The following EBPL variants were observed in gnomAD, a reference collection of about 807,000 sequenced individuals.
The protein encoded by EBPL is emopamil-binding protein-like.
A neutral mutation model predicts 19.0 loss-of-function variants in EBPL; 20 were observed. The observed-to-expected ratio is 1.05, with a 90% CI of 0.74 to 1.53. EBPL has a LOEUF of 1.53. Ranked by LOEUF, EBPL falls within the 40% of genes most tolerant of loss-of-function variation. EBPL has a pLI of 0.00. For synonymous variants in EBPL, 107 were observed against 117.0 expected (o/e 0.91, Z 0.55); for missense variants, 219 against 261.1 (o/e 0.84, Z 1.11).
At chr13:49,661,724 T>C (rs1466904561) in intron 3 of EBPL, 3 of 1,452,286 alleles carry the variant, frequency 2.1e-6, no homozygotes, top group Non-Finnish European at 1.8e-6. Context: ...ACCAGCGTCA[T>C]GGAGTGAAAA....
intron 1 of EBPL, among the ~76,000 whole-genome samples, chr13:49,685,393 C>G (rs1566322341): frequency 6.6e-6 from 1 of 152,116 alleles, no homozygotes. Flanking sequence ...TGCCCTTTCT[C>G]CCCAAAAGCG....
intron 2 of EBPL, among the ~76,000 whole-genome samples, chr13:49,663,924 C>CAA (rs537301913): frequency 9.7e-5 from 10 of 102,928 alleles, no homozygotes; most frequent in African/African-American, 2.8e-4. Flanking sequence ...GACTCCGTCT[C>CAA]AAAAAAAAAA....
chr13:49,672,535 T>C (rs1594409079), intron 1 of EBPL, among the ~76,000 whole-genome samples: 1 of 152,244 alleles, frequency 6.6e-6, no homozygotes. Context: ...CTAATAAGCG[T>C]TTCCTAAAAG....
At chr13:49,676,663 G>A (rs190537705) in intron 1 of EBPL, among the ~76,000 whole-genome samples, 8 of 152,046 alleles carry the variant, frequency 5.3e-5, no homozygotes, top group Non-Finnish European at 7.4e-5. Flanking sequence ...TTCCTTCCTC[G>A]GTGCCACCTC....
At chr13:49,686,887 C>T (rs1292925916) in intron 1 of EBPL, among the ~76,000 whole-genome samples, 1 of 152,160 alleles carries the variant, frequency 6.6e-6, no homozygotes, top group Non-Finnish European at 1.5e-5. Flanking sequence ...CCTCAATCTC[C>T]TGGGTTCAAG....
intron 2 of EBPL, among the ~76,000 whole-genome samples, chr13:49,663,924 C>CA (rs537301913): frequency 0.037 from 3,789 of 102,670 alleles, 127 homozygotes; most frequent in African/African-American, 0.1. Flanking sequence ...GACTCCGTCT[C>CA]AAAAAAAAAA....
chr13:49,672,561 G>A (rs1288336206), intron 1 of EBPL, among the ~76,000 whole-genome samples: 1 of 151,798 alleles, frequency 6.6e-6, no homozygotes, highest in East Asian at 1.9e-4. Flanking sequence ...GAAATAAAAG[G>A]GATAATAGAA....
intron 1 of EBPL, among the ~76,000 whole-genome samples, chr13:49,683,355 G>A (rs1259528087): frequency 1.3e-5 from 2 of 151,792 alleles, no homozygotes; most frequent in Non-Finnish European, 2.9e-5. Flanking sequence ...GTGAAACCTC[G>A]TCTCTACTAA....
intron 1 of EBPL, among the ~76,000 whole-genome samples, chr13:49,679,888 T>C (rs1445708079): frequency 1.4e-5 from 2 of 144,802 alleles, no homozygotes; most frequent in African/African-American, 4.9e-5. Context: ...TCAAGCTATA[T>C]ATATATATTA....
intron 2 of EBPL, among the ~76,000 whole-genome samples, chr13:49,667,680 T>C (rs1464505817): frequency 2.0e-5 from 3 of 152,226 alleles, no homozygotes; most frequent in Non-Finnish European, 4.4e-5. Context: ...AAATACGGTC[T>C]TACTGTGTTG....
At position 49,660,833 on chromosome 13, in the gene EBPL, T is replaced by A. The variant is rs997808228; in HGVS notation, c.*135A>T. On this transcript the variant is annotated 3_prime_UTR_variant, in exon 4 of 4. Coordinates refer to ENST00000242827, the MANE Select transcript of EBPL (RefSeq NM_032565.5). ...CGAAAACTGGTCGCCTTAAAACCAA[T>A]TTGAAACAGGTTGTTCAGGAGCAAC... 1 of 778,358 alleles carries A rather than the reference T, an allele frequency of 1.3e-6. No homozygotes were observed. The highest frequency in any genetic ancestry group is 2.0e-6 in the Non-Finnish European group (1 of 492,496). The allele number at this position is 778,358 out of a possible 1,614,324, so 48.2% of individuals were successfully genotyped here.
At chr13:49,670,466 T>G (rs1311107488) in intron 1 of EBPL, among the ~76,000 whole-genome samples, 1 of 152,226 alleles carries the variant, frequency 6.6e-6, no homozygotes, top group African/African-American at 2.4e-5. Context: ...GCCACTGGGA[T>G]ATGTAATTGT....
At chr13:49,661,788 A>T (rs1233775122) in intron 3 of EBPL, 2 of 1,525,266 alleles carry the variant, frequency 1.3e-6, no homozygotes, top group Admixed American at 4.2e-5. Flanking sequence ...TATCTCTCTA[A>T]AATTGGGTGG....
intron 3 of EBPL, chr13:49,662,003 T>G: frequency 8.2e-7 from 1 of 1,219,710 alleles, no homozygotes; most frequent in Non-Finnish European, 1.2e-6. Context: ...TTTTTCATCC[T>G]TTTTTTTTGA....
chr13:49,661,540 T>A (rs1263150835), intron 3 of EBPL, among the ~76,000 whole-genome samples: 1 of 152,184 alleles, frequency 6.6e-6, no homozygotes, highest in Non-Finnish European at 1.5e-5. Context: ...AATCTCACCA[T>A]GAGCCATTAT....
At chr13:49,686,733 T>A in intron 1 of EBPL, 2 of 804,688 alleles carry the variant, frequency 2.5e-6, no homozygotes, top group African/African-American at 1.8e-5. Flanking sequence ...CCCAGCACTC[T>A]CTCTTCTGCC....
chr13:49,686,434 C>G (rs1405777904), intron 1 of EBPL: 6 of 1,273,272 alleles, frequency 4.7e-6, no homozygotes, highest in Non-Finnish European at 6.1e-6. Context: ...TCCCATCAAT[C>G]CCACTCTCAC....
chr13:49,679,625 C>T (rs80030912), intron 1 of EBPL, among the ~76,000 whole-genome samples: 1,575 of 152,264 alleles, frequency 0.01, 26 homozygotes, highest in African/African-American at 0.036. Flanking sequence ...TCTCAGCCTC[C>T]AAAGTAGCTG....
At chr13:49,663,777 A>C (rs1419832104) in intron 2 of EBPL, among the ~76,000 whole-genome samples, 2 of 151,736 alleles carry the variant, frequency 1.3e-5, no homozygotes, top group Non-Finnish European at 2.9e-5. Context: ...CTCTACTAAA[A>C]ATACAAAAAA....
Sources: gnomAD v4.1 joint callset for allele counts (sites outside exome capture counted in the v4.1 genomes callset) on GRCh38, gnomAD v4.1.1 for gene constraint, MANE v1.5 for transcripts, NCBI Gene and HGNC (gene_info 2026-07-23, HGNC 2026-07-21) for gene names.